RASEF: variants seen among roughly 807,000 people sequenced by gnomAD.
RASEF encodes RAS and EF-hand domain containing.
Under a neutral mutation model 90.1 loss-of-function variants are expected in RASEF, and 68 were observed. The observed-to-expected ratio is 0.75, with a 90% CI of 0.62 to 0.92. The LOEUF (loss-of-function observed/expected upper bound fraction) is 0.92, where lower values mean the gene tolerates loss of function less well. Ranked by LOEUF, RASEF falls within the 40% of genes least tolerant of loss-of-function variation. The probability of loss-of-function intolerance (pLI) is 0.00; values close to 1 mark genes in which losing one functional copy is unlikely to be tolerated. For synonymous variants in RASEF, 331 were observed against 345.2 expected, an observed-to-expected ratio of 0.96 and a Z score of 0.46; for missense variants, 949 against 937.2, an observed-to-expected ratio of 1.01 and a Z score of -0.16.
the RASEF span, among the ~76,000 whole-genome samples, chr9:83,214,574 T>C: frequency 1.5e-4 from 23 of 152,186 alleles, no homozygotes; most frequent in Admixed American, 3.3e-4. Context: ...TCATCTTGAA[T>C]TGTAGCTCCA....
chr9:83,026,445 G>A (rs1829550958), intron 1 of RASEF, among the ~76,000 whole-genome samples: 1 of 152,150 alleles, frequency 6.6e-6, no homozygotes, highest in South Asian at 2.1e-4. Flanking sequence ...CATGGCAGAA[G>A]GGGAAGCAAG....
the RASEF span, among the ~76,000 whole-genome samples, chr9:83,214,607 G>A: frequency 6.6e-6 from 1 of 152,070 alleles, no homozygotes; most frequent in African/African-American, 2.4e-5. Flanking sequence ...TGTCATGGGA[G>A]GGACCCTGTG....
the RASEF span, among the ~76,000 whole-genome samples, chr9:83,094,291 C>A: frequency 3.3e-5 from 5 of 150,564 alleles, no homozygotes; most frequent in Non-Finnish European, 7.4e-5. Flanking sequence ...ATACCCACAA[C>A]ATTGTGAACA....
chr9:83,092,680 G>A, the RASEF span, among the ~76,000 whole-genome samples: 1 of 152,178 alleles, frequency 6.6e-6, no homozygotes, highest in African/African-American at 2.4e-5. Context: ...GGGGACCCGA[G>A]CGGGTTGCCA....
At chr9:83,128,983 A>G in the RASEF span, among the ~76,000 whole-genome samples, 1 of 152,260 alleles carries the variant, frequency 6.6e-6, no homozygotes, top group African/African-American at 2.4e-5. Flanking sequence ...ATAGATATTC[A>G]GAGAAAAGTG....
chr9:83,035,380 T>C (rs1157212980), intron 1 of RASEF, among the ~76,000 whole-genome samples: 2 of 152,190 alleles, frequency 1.3e-5, no homozygotes, highest in Non-Finnish European at 2.9e-5. Context: ...CCCGTTACCA[T>C]CTATTAACAT....
chr9:83,094,612 G>A, the RASEF span, among the ~76,000 whole-genome samples: 12 of 152,006 alleles, frequency 7.9e-5, no homozygotes, highest in African/African-American at 2.9e-4. Flanking sequence ...TAAAAGCCAG[G>A]CGTACATAAT....
At chr9:83,076,852 G>T in the RASEF span, among the ~76,000 whole-genome samples, 1 of 152,142 alleles carries the variant, frequency 6.6e-6, no homozygotes, top group Non-Finnish European at 1.5e-5. Context: ...CTTCAAGTCT[G>T]ACAAGTCCTG....
chr9:82,990,782 T>C (rs189980254), intron 15 of RASEF, among the ~76,000 whole-genome samples: 2 of 152,268 alleles, frequency 1.3e-5, no homozygotes, highest in African/African-American at 4.8e-5. Context: ...CCGAGACAGA[T>C]AAAAATGAGT....
At chr9:83,054,364 C>T (rs1446777991) in intron 1 of RASEF, among the ~76,000 whole-genome samples, 4 of 16,756 alleles carry the variant, frequency 2.4e-4, no homozygotes, top group Admixed American at 2.1e-3. Flanking sequence ...GCATTCTTCA[C>T]GTAGTTCTCG....
chr9:83,096,272 T>TA, the RASEF span, among the ~76,000 whole-genome samples: 5 of 152,330 alleles, frequency 3.3e-5, no homozygotes, highest in South Asian at 1.0e-3. Flanking sequence ...CCATGAGCTC[T>TA]AAATATCTAG....
chr9:82,994,913 C>A (rs1156858283), intron 14 of RASEF, among the ~76,000 whole-genome samples: 1 of 152,208 alleles, frequency 6.6e-6, no homozygotes, highest in East Asian at 1.9e-4. Flanking sequence ...CCAATGATCA[C>A]ACCATTCATT....
chr9:83,038,852 G>A (rs1829788944), intron 1 of RASEF, among the ~76,000 whole-genome samples: 1 of 151,980 alleles, frequency 6.6e-6, no homozygotes, highest in Non-Finnish European at 1.5e-5. Flanking sequence ...TCAATTCTAT[G>A]GCCACTCTAG....
chr9:83,159,560 C>G, the RASEF span, among the ~76,000 whole-genome samples: 1 of 152,120 alleles, frequency 6.6e-6, no homozygotes, highest in Admixed American at 6.5e-5. Context: ...TTGAAATTTT[C>G]TAATTGTGTT....
At chr9:83,163,469 A>C in the RASEF span, among the ~76,000 whole-genome samples, 1 of 152,240 alleles carries the variant, frequency 6.6e-6, no homozygotes, top group East Asian at 1.9e-4. Flanking sequence ...TAAGGGCTCT[A>C]CTGGATAAAG....
the RASEF span, among the ~76,000 whole-genome samples, chr9:83,183,272 A>G: frequency 6.9e-5 from 10 of 145,518 alleles, no homozygotes; most frequent in Non-Finnish European, 1.0e-4. Flanking sequence ...GTATATATAT[A>G]TATATATATA....
intron 1 of RASEF, chr9:83,054,716 G>T: frequency 7.3e-6 from 1 of 136,708 alleles, no homozygotes; most frequent in Non-Finnish European, 1.6e-5. Flanking sequence ...TGTACAGATG[G>T]GTTTTCGGTG....
At chr9:83,006,820 G>A (rs1180852559) in intron 7 of RASEF, among the ~76,000 whole-genome samples, 2 of 152,180 alleles carry the variant, frequency 1.3e-5, no homozygotes, top group African/African-American at 2.4e-5. Context: ...CGGGCCGGGC[G>A]TGGTGGCTCA....
the RASEF span, among the ~76,000 whole-genome samples, chr9:83,210,745 A>G: frequency 1.3e-5 from 2 of 152,226 alleles, no homozygotes; most frequent in African/African-American, 4.8e-5. Context: ...GAAACAACTC[A>G]AATTTACAAA....
Sources: allele counts gnomAD v4.1 joint callset (sites outside exome capture counted in the v4.1 genomes callset), GRCh38; gene constraint gnomAD v4.1.1; transcripts MANE v1.5; gene names NCBI Gene and HGNC (gene_info 2026-07-23, HGNC 2026-07-21).